CCDC184: variants seen among roughly 807,000 people sequenced by gnomAD.
The protein encoded by CCDC184 is coiled-coil domain containing 184, also known as coiled-coil domain-containing protein 184.
In CCDC184, 11 loss-of-function variants were observed where a neutral mutation model predicts 10.4. That is an observed-to-expected ratio of 1.06 (90% CI 0.67 to 1.75). CCDC184 has a LOEUF of 1.75. Ranked by LOEUF, CCDC184 falls within the 40% of genes most tolerant of loss-of-function variation. The probability of loss-of-function intolerance (pLI) is 0.00; values close to 1 mark genes in which losing one functional copy is unlikely to be tolerated. For missense variants in CCDC184, 264 were observed against 267.9 expected (o/e 0.99, Z 0.10); for synonymous variants, 102 against 116.1 (o/e 0.88, Z 0.78).
chr12:48,184,323 G>A lies in CCDC184; in HGVS notation c.201G>A (p.Glu67=). 1 of 1,614,142 alleles carries A rather than the reference G, an allele frequency of 6.2e-7. No individual in the cohort carries two copies. The highest frequency in any genetic ancestry group is 8.5e-7 in the Non-Finnish European group (1 of 1,180,026). Residue 67 remains glutamate (E), a synonymous_variant, in exon 1 of 1, where the codon GAG becomes GAA. Coordinates refer to ENST00000316554, the MANE Select transcript of CCDC184 (RefSeq NM_001013635.4). ...GGGCCATGAGGGGGGCCCTGGACGA[G>A]CAGGCCTCGCACATCCAGGTGCTCT... ...DVRAMRGALD[E]QASHIQVLSD... is the part of the protein sequence containing the mutation.
In CCDC184 at chr12:48,184,373, G is replaced by T. The variant is rs1951487535; in HGVS notation, c.251G>T (p.Arg84Leu). 1.2e-6 allele frequency: 2 copies of T among 1,613,680 alleles called. No homozygotes were observed. Among genetic ancestry groups the T allele is most frequent in the African/African-American group, 1.3e-5 (1 of 74,948 alleles). Residue 84 changes from arginine to leucine, a missense_variant, in exon 1 of 1, where the codon CGA (arginine) becomes CTA (leucine). Arg to Leu is a moderately radical substitution (Grantham distance 102, BLOSUM62 -2). Coordinates refer to ENST00000316554, the MANE Select transcript of CCDC184 (RefSeq NM_001013635.4). ...TCGGACGACGTGTGCGCCAACCAGC[G>T]AGCCATCGTCTCCATGTGCCAGATT... is the stretch of plus-strand genomic sequence containing the variant. ...VLSDDVCANQ[R>L]AIVSMCQIMT...
rs558864028 is a variant in CCDC184, at chr12:48,184,025, T to C, written c.-98T>C. 8.5e-3 allele frequency: 4,737 copies of C among 559,892 alleles called. 52 individuals are homozygous for C. The highest frequency in any genetic ancestry group is 0.012 in the Non-Finnish European group (3,947 of 340,460). The allele number at this position is 559,892 out of a possible 1,614,324, so 34.7% of individuals were successfully genotyped here. ...AGCCTCCGCTTCCCTCGGCTCCCGC[T>C]AGCCCCTCCCGGGACCTCTCCCCCT... is the stretch of plus-strand genomic sequence containing the variant. On this transcript the variant is annotated 5_prime_UTR_variant, in exon 1 of 1. Transcript: ENST00000316554.
Position 48,185,353 on chromosome 12 carries a change from A to C in CCDC184, c.*646A>C, listed in dbSNP as rs1350353230. 6.0e-6 allele frequency: 1 copy of C among 167,088 alleles called. No homozygotes were observed. Among genetic ancestry groups the C allele is most frequent in the East Asian group, 1.9e-4 (1 of 5,186 alleles). The allele number at this position is 167,088 out of a possible 1,614,324, so 10.4% of individuals were successfully genotyped here. ...ATGAAGACATAATAGCTCAACCTCT[A>C]GGATTTTGCATGCAGAGCGGATCCT... is the stretch of plus-strand genomic sequence containing the variant. On this transcript the variant is annotated 3_prime_UTR_variant, in exon 1 of 1. Transcript: ENST00000316554.
Position 48,184,081 on chromosome 12 carries a change from T to G in CCDC184, c.-42T>G. ...CCCTCCCCCACCCCGGAGGCCGGGC[T>G]GGACGCGACCCAGAGCCTCCGCCAC... On this transcript the variant is annotated 5_prime_UTR_variant, in exon 1 of 1. Coordinates refer to ENST00000316554, the MANE Select transcript of CCDC184 (RefSeq NM_001013635.4). 7.6e-6 allele frequency: 6 copies of G among 788,944 alleles called. No homozygotes were observed. The highest frequency in any genetic ancestry group is 9.6e-6 in the Non-Finnish European group (5 of 520,488). 48.9% of individuals were successfully genotyped at this position (788,944 alleles called of 1,614,324 possible).
In CCDC184 at chr12:48,184,528, G is replaced by A. The variant is rs762767014; in HGVS notation, c.406G>A (p.Glu136Lys). The stretch of plus-strand genomic sequence containing the variant: ...CAGCGGCTTGCTGGGTCGCGATCCC[G>A]AGGACGAGGAGGAAGAGGAAGAAGA... ...GDSGLLGRDP[E>K]DEEEEEEEKE... Residue 136 changes from glutamate (E) to lysine (K), a missense_variant, in exon 1 of 1, where the codon GAG (glutamate) becomes AAG (lysine). By Grantham distance (56) the Glu-to-Lys change is moderately conservative. Coordinates refer to ENST00000316554, the MANE Select transcript of CCDC184 (RefSeq NM_001013635.4). 16 of 1,555,020 alleles carry A rather than the reference G, an allele frequency of 1.0e-5. No individual in the cohort carries two copies. Among genetic ancestry groups the A allele is most frequent in the African/African-American group, 1.4e-5 (1 of 73,798 alleles).
Position 48,185,273 on chromosome 12 carries a change from G to C in CCDC184, c.*566G>C, listed in dbSNP as rs1464147892. 1 of 167,256 alleles carries C rather than the reference G, an allele frequency of 6.0e-6. No individual in the cohort carries two copies. Among genetic ancestry groups the C allele is most frequent in the African/African-American group, 2.4e-5 (1 of 41,410 alleles). The allele number at this position is 167,256 out of a possible 1,614,324, so 10.4% of individuals were successfully genotyped here. A position where few individuals can be genotyped will look rare whatever the true frequency, so the allele number is the denominator to read the frequency against. On this transcript the variant is annotated 3_prime_UTR_variant, in exon 1 of 1. Coordinates refer to ENST00000316554, the MANE Select transcript of CCDC184 (RefSeq NM_001013635.4). ...GAGGGAACTGCAGCCCTAGGAATCT[G>C]GGTGAATGGGGTTCCAAGGGCCCCT...
chr12:48,185,754 C>T lies in CCDC184; in HGVS notation c.*1047C>T, dbSNP rs976331311. 6.0e-6 allele frequency: 1 copy of T among 167,066 alleles called. No homozygotes were observed. Among genetic ancestry groups the T allele is most frequent in the African/African-American group, 2.4e-5 (1 of 41,354 alleles). The allele number at this position is 167,066 out of a possible 1,614,324, so 10.3% of individuals were successfully genotyped here. A position where few individuals can be genotyped will look rare whatever the true frequency, so the allele number is the denominator to read the frequency against. ...AAGCTATCAATGGCGCTTTTCTCTC[C>T]CTCTTCCCCCAACCAGGGCATGGAG... On this transcript the variant is annotated 3_prime_UTR_variant, in exon 1 of 1. Coordinates refer to ENST00000316554, the MANE Select transcript of CCDC184 (RefSeq NM_001013635.4).
Position 48,183,996 on chromosome 12 carries a change from C to T in CCDC184, c.-127C>T. Reference sequence around the variant, plus strand: ...TCTCACGTCGGCTCCCCGCCAGTCTCGGGAGCCTCCGCTTCCCTCGGCTCC... The same window carrying T: ...TCTCACGTCGGCTCCCCGCCAGTCTTGGGAGCCTCCGCTTCCCTCGGCTCC... On this transcript the variant is annotated 5_prime_UTR_variant, in exon 1 of 1. Transcript: ENST00000316554. The T allele has an allele frequency of 1.5e-6, 1 of 658,104 alleles. No individual in the cohort carries two copies. Among genetic ancestry groups the T allele is most frequent in the East Asian group, 2.8e-5 (1 of 35,794 alleles). The allele number at this position is 658,104 out of a possible 1,614,324, so 40.8% of individuals were successfully genotyped here. A position where few individuals can be genotyped will look rare whatever the true frequency, so the allele number is the denominator to read the frequency against.
rs776681604 is a variant in CCDC184, at chr12:48,184,195, G to A, written c.73G>A (p.Val25Met). The stretch of plus-strand genomic sequence containing the variant: ...GCCGGCGCCCCTGGAGGTGTCCACC[G>A]TGCCGGCAGTGGGGGACGTGATCTC... ...DMPAPLEVSTVPAVGDVISGE... is the reference protein window; with the variant it reads ...DMPAPLEVSTMPAVGDVISGE... Residue 25 changes from valine to methionine, a missense_variant, in exon 1 of 1, where the codon GTG becomes ATG. Transcript: ENST00000316554. 8.7e-6 allele frequency: 14 copies of A among 1,614,068 alleles called. No individual in the cohort carries two copies. The highest frequency in any genetic ancestry group is 1.1e-5 in the Non-Finnish European group (13 of 1,180,014).
Position 48,184,773 on chromosome 12 carries a change from G to A in CCDC184, c.*66G>A, listed in dbSNP as rs1001380504. 3.1e-6 allele frequency: 4 copies of A among 1,300,358 alleles called. No homozygotes were observed. Among genetic ancestry groups the A allele is most frequent in the Admixed American group, 2.3e-5 (1 of 44,410 alleles). The allele number at this position is 1,300,358 out of a possible 1,614,324, so 80.6% of individuals were successfully genotyped here. ...GTTTCCGAGTGCATGACGCGAGGGGGACTGAACGGCGCGGTGCGGCATGCT... is the reference window on the plus strand; with the variant it reads ...GTTTCCGAGTGCATGACGCGAGGGGAACTGAACGGCGCGGTGCGGCATGCT... On this transcript the variant is annotated 3_prime_UTR_variant, in exon 1 of 1. Transcript: ENST00000316554.
At position 48,184,902 on chromosome 12, in the gene CCDC184, A is replaced by C. The variant is rs951623895; in HGVS notation, c.*195A>C. 7 of 569,814 alleles carry C rather than the reference A, an allele frequency of 1.2e-5. No homozygotes were observed. The highest frequency in any genetic ancestry group is 2.2e-5 in the Non-Finnish European group (7 of 315,420). 35.3% of individuals were successfully genotyped at this position (569,814 alleles called of 1,614,324 possible). A position where few individuals can be genotyped will look rare whatever the true frequency, so the allele number is the denominator to read the frequency against. Reference sequence around the variant, plus strand: ...GAGCATCGAGAATTCTTTCTGCCCAACTAAGCGAATTATAGCGAACTGCGG... The same window carrying C: ...GAGCATCGAGAATTCTTTCTGCCCACCTAAGCGAATTATAGCGAACTGCGG... On this transcript the variant is annotated 3_prime_UTR_variant, in exon 1 of 1. Coordinates refer to ENST00000316554, the MANE Select transcript of CCDC184 (RefSeq NM_001013635.4).
rs7487682 is a variant in CCDC184, at chr12:48,185,882, G to T, written c.*1175G>T. ...CCTCCTTTGTGTATTCCTTCTCAAT[G>T]CTTTCCTTGGTGTTAACCTTAATAA... is the stretch of plus-strand genomic sequence containing the variant. On this transcript the variant is annotated 3_prime_UTR_variant, in exon 1 of 1. Transcript: ENST00000316554. 49,583 of 167,156 alleles carry T rather than the reference G, an allele frequency of 0.3. 8,404 individuals carry two copies. Among genetic ancestry groups the T allele is most frequent in the Non-Finnish European group, 0.39 (26,369 of 68,238 alleles). The allele number at this position is 167,156 out of a possible 1,614,324, so 10.4% of individuals were successfully genotyped here. A position where few individuals can be genotyped will look rare whatever the true frequency, so the allele number is the denominator to read the frequency against.
At position 48,184,120 on chromosome 12, in the gene CCDC184, T is replaced by C. The variant is rs1951485339; in HGVS notation, c.-3T>C. ...AGCCTCCGCCACCCGCTTCTGCCACTCAATGGAGGACGGTCTGCTGGAGAT... is the reference window on the plus strand; with the variant it reads ...AGCCTCCGCCACCCGCTTCTGCCACCCAATGGAGGACGGTCTGCTGGAGAT... On this transcript the variant is annotated 5_prime_UTR_variant, in exon 1 of 1. Coordinates refer to ENST00000316554, the MANE Select transcript of CCDC184 (RefSeq NM_001013635.4). 1 of 1,373,992 alleles carries C rather than the reference T, an allele frequency of 7.3e-7. No homozygotes were observed. The highest frequency in any genetic ancestry group is 9.7e-7 in the Non-Finnish European group (1 of 1,028,468). The allele number at this position is 1,373,992 out of a possible 1,614,324, so 85.1% of individuals were successfully genotyped here. A position where few individuals can be genotyped will look rare whatever the true frequency, so the allele number is the denominator to read the frequency against.
In CCDC184 at chr12:48,184,275, G is replaced by GCAAGC; in HGVS notation, c.155_159dup (p.Leu54LysfsTer7). 1 of 1,614,104 alleles carries GCAAGC rather than the reference G, an allele frequency of 6.2e-7. No individual in the cohort carries two copies. On this transcript the variant is annotated frameshift_variant, in exon 1 of 1. Transcript: ENST00000316554. LOFTEE classifies it high-confidence loss of function. ...TGATGGAGCACCTGAAAGCCCAGCT[G>GCAAGC]CAAGCCCTGTTTGAGGACGTGAGGG...
rs368457772 is a variant in CCDC184, at chr12:48,184,690, G to A, written c.568G>A (p.Gly190Ser). Reference sequence around the variant, plus strand: ...CGACATTACCCTGCTGCAACTGGAGGGCGAGGCCTCCCTGTGAGGGGACTC... The same window carrying A: ...CGACATTACCCTGCTGCAACTGGAGAGCGAGGCCTCCCTGTGAGGGGACTC... ...MPDITLLQLE[G>S]EASL Residue 190 changes from glycine (G) to serine (S), a missense_variant, in exon 1 of 1, where the codon GGC becomes AGC. By Grantham distance (56) the Gly-to-Ser change is moderately conservative (BLOSUM62 0). Coordinates refer to ENST00000316554, the MANE Select transcript of CCDC184 (RefSeq NM_001013635.4). 2.7e-5 allele frequency: 43 copies of A among 1,601,598 alleles called. No individual in the cohort carries two copies. The African/African-American group carries it at 4.6e-4, about 17-fold the overall frequency.
rs772433293 is a variant in CCDC184 at position 48,184,557 on chromosome 12, G to A, written c.435G>A (p.Lys145=). 1.1e-5 allele frequency: 17 copies of A among 1,547,228 alleles called. No homozygotes were observed. In the South Asian group the frequency reaches 2.0e-4, roughly 18 times the overall value. The change falls in exon 1 of 1, where the codon AAG becomes AAA. Residue 145 remains lysine (K), a synonymous_variant. Coordinates refer to ENST00000316554, the MANE Select transcript of CCDC184 (RefSeq NM_001013635.4). Reference sequence around the variant, plus strand: ...ACGAGGAGGAAGAGGAAGAAGAGAAGGAGATGCCCAGCCCCGCCACACCCT... The same window carrying A: ...ACGAGGAGGAAGAGGAAGAAGAGAAAGAGATGCCCAGCCCCGCCACACCCT... The part of the protein sequence containing the change: ...PEDEEEEEEE[K]EMPSPATPSS...
Position 48,184,237 on chromosome 12 carries a change from G to T in CCDC184, c.115G>T (p.Gly39Cys), listed in dbSNP as rs544304861. The T allele has an allele frequency of 2.5e-6, 4 of 1,614,078 alleles. No homozygotes were observed. In the African/African-American group the frequency reaches 5.3e-5, roughly 22 times the overall value. ...GDVISGEYNG[G>C]MKELMEHLKA... ...CGTGATCTCCGGGGAGTACAACGGC[G>T]GCATGAAGGAACTGATGGAGCACCT... Residue 39 changes from glycine (G) to cysteine (C), a missense_variant, in exon 1 of 1, where the codon GGC becomes TGC. Transcript: ENST00000316554.
rs1444720885 is a variant in CCDC184, at chr12:48,185,354, G to A, written c.*647G>A. Reference sequence around the variant, plus strand: ...TGAAGACATAATAGCTCAACCTCTAGGATTTTGCATGCAGAGCGGATCCTG... The same window carrying A: ...TGAAGACATAATAGCTCAACCTCTAAGATTTTGCATGCAGAGCGGATCCTG... On this transcript the variant is annotated 3_prime_UTR_variant, in exon 1 of 1. Coordinates refer to ENST00000316554, the MANE Select transcript of CCDC184 (RefSeq NM_001013635.4). 6.0e-6 allele frequency: 1 copy of A among 167,044 alleles called. No homozygotes were observed. The highest frequency in any genetic ancestry group is 1.9e-4 in the East Asian group (1 of 5,186). 10.3% of individuals were successfully genotyped at this position (167,044 alleles called of 1,614,324 possible). A position where few individuals can be genotyped will look rare whatever the true frequency, so the allele number is the denominator to read the frequency against.
rs1951485769 is a variant in CCDC184, at chr12:48,184,171, C to T, written c.49C>T (p.Pro17Ser). ...EIMTKDGGDM[P>S]APLEVSTVPA... ...CATGACCAAGGACGGCGGCGACATG[C>T]CGGCGCCCCTGGAGGTGTCCACCGT... The change falls in exon 1 of 1, where the codon CCG becomes TCG. Residue 17 changes from proline (P) to serine (S), a missense_variant. Physicochemically the swap from Pro to Ser is moderately conservative, Grantham distance 74. Coordinates refer to ENST00000316554, the MANE Select transcript of CCDC184 (RefSeq NM_001013635.4). The T allele has an allele frequency of 3.7e-6, 6 of 1,613,818 alleles. No individual in the cohort carries two copies. The highest frequency in any genetic ancestry group is 3.3e-5 in the Admixed American group (2 of 60,004).
Sources: allele counts gnomAD v4.1 joint callset, GRCh38; gene constraint gnomAD v4.1.1; transcripts MANE v1.5; gene names NCBI Gene and HGNC (gene_info 2026-07-23, HGNC 2026-07-21).